The following ACTR5 variants were observed in gnomAD, a reference collection of about 807,000 sequenced individuals.
ACTR5 encodes actin related protein 5.
In ACTR5, 43 loss-of-function variants were observed where a neutral mutation model predicts 61.2. The observed-to-expected ratio is 0.70, with a 90% CI of 0.55 to 0.91. The LOEUF (loss-of-function observed/expected upper bound fraction) is 0.91, where lower values mean the gene tolerates loss of function less well. Ranked by LOEUF, ACTR5 falls within the 40% of genes least tolerant of loss-of-function variation. The probability of loss-of-function intolerance (pLI) is 0.00; values close to 1 mark genes in which losing one functional copy is unlikely to be tolerated. For missense variants in ACTR5, 798 were observed against 782.2 expected, an observed-to-expected ratio of 1.02 and a Z score of -0.24; for synonymous variants, 333 against 310.5, an observed-to-expected ratio of 1.07 and a Z score of -0.76.
chr20:38,766,199 T>C, intron 6 of ACTR5, 39 bp from the exon 7 acceptor site: 1 of 1,579,686 alleles, frequency 6.3e-7, no homozygotes, highest in Admixed American at 1.9e-5. Context: ...TGTTTGTCAT[T>C]TGGCCTAAAA....
rs553223291 is a variant in ACTR5, at chr20:38,766,222, C to A, written c.1294-16C>A. 8.8e-6 allele frequency: 14 copies of A among 1,599,770 alleles called. No homozygotes were observed. The highest frequency in any genetic ancestry group is 6.7e-5 in the African/African-American group (5 of 74,180). ...ATTTGGCCTAAAAATATCTTTTAAA[C>A]CTTGGGTTTTTAAAGCCCGTGTTTA... is the stretch of plus-strand genomic sequence containing the variant. On this transcript the variant is annotated splice_polypyrimidine_tract_variant and intron_variant, in intron 6 of 8. Coordinates refer to ENST00000243903, the MANE Select transcript of ACTR5 (RefSeq NM_024855.4).
intron 6 of ACTR5, 109 bp from the exon 7 acceptor site, chr20:38,766,129 A>T: frequency 7.7e-7 from 1 of 1,298,418 alleles, no homozygotes; most frequent in Non-Finnish European, 1.1e-6. Context: ...TACTGGCATT[A>T]ACAAGGGACA....
intron 5 of ACTR5, among the ~76,000 whole-genome samples, chr20:38,762,767 T>TAGGATG (rs1213110284): frequency 6.6e-6 from 1 of 152,008 alleles, no homozygotes; most frequent in Non-Finnish European, 1.5e-5. Flanking sequence ...GAGTGGAGGT[T>TAGGATG]AGGATGAAGA....
intron 8 of ACTR5, among the ~76,000 whole-genome samples, chr20:38,767,831 T>C (rs1158858528): frequency 6.6e-6 from 1 of 151,928 alleles, no homozygotes; most frequent in Non-Finnish European, 1.5e-5. Context: ...TGTGAAAGAG[T>C]GTACATCAAA....
chr20:38,748,799 GC>G lies in ACTR5; in HGVS notation c.322del (p.Leu108PhefsTer25). On this transcript the variant is annotated frameshift_variant, in exon 1 of 9. Transcript: ENST00000243903. LOFTEE classifies it high-confidence loss of function. ...FDRNVPVNLE[L>X]QELLLDYSFQ... ...ACCGCAACGTGCCGGTCAACCTGGA[GC>G]TTCAGGAGTTGCTGCTGGACTACAG... The G allele has an allele frequency of 6.2e-7, 1 of 1,609,522 alleles. No homozygotes were observed. Among genetic ancestry groups the G allele is most frequent in the East Asian group, 2.2e-5 (1 of 44,576 alleles).
chr20:38,768,539 A>AG (rs1601205096), intron 8 of ACTR5, among the ~76,000 whole-genome samples: 1 of 152,312 alleles, frequency 6.6e-6, no homozygotes, highest in East Asian at 1.9e-4. Flanking sequence ...AAAGCACATT[A>AG]AGTGTTGCCA....
intron 4 of ACTR5, among the ~76,000 whole-genome samples, chr20:38,755,592 C>T (rs1444908096): frequency 6.6e-6 from 1 of 151,086 alleles, no homozygotes; most frequent in East Asian, 1.9e-4. Flanking sequence ...TTCACATCCC[C>T]CGCCCCACCA....
chr20:38,758,888 T>G (rs964903517), intron 5 of ACTR5, among the ~76,000 whole-genome samples: 2 of 152,214 alleles, frequency 1.3e-5, no homozygotes, highest in African/African-American at 4.8e-5. Context: ...GAAATTGCAC[T>G]TAAGCAGTAA....
intron 8 of ACTR5, among the ~76,000 whole-genome samples, chr20:38,769,179 T>C (rs987835213): frequency 6.6e-6 from 1 of 152,208 alleles, no homozygotes; most frequent in African/African-American, 2.4e-5. Flanking sequence ...TCCCTTTGCA[T>C]AGAATACTCT....
At chr20:38,751,614 A>T (rs1285278030) in intron 2 of ACTR5, among the ~76,000 whole-genome samples, 1 of 152,162 alleles carries the variant, frequency 6.6e-6, no homozygotes, top group Non-Finnish European at 1.5e-5. Context: ...ACTTTCTCAC[A>T]TTAGGAAAAT....
At position 38,768,135 on chromosome 20, in the gene ACTR5, G is replaced by C. The variant is rs115729260; in HGVS notation, c.1566+539G>C. Among the ~76,000 whole-genome samples the C allele has an allele frequency of 5.6e-3, 847 of 152,240 alleles. 5 individuals are homozygous for C. Among genetic ancestry groups the C allele is most frequent in the African/African-American group, 0.02 (812 of 41,542 alleles). On this transcript the variant is annotated intron_variant, in intron 8 of 8. Transcript: ENST00000243903. Reference sequence around the variant, plus strand: ...CATGATGTCGTGTACATTCAGGGGGGCGTCTCTGGGCTTTGGTGCTGACTC... The same window carrying C: ...CATGATGTCGTGTACATTCAGGGGGCCGTCTCTGGGCTTTGGTGCTGACTC...
chr20:38,759,063 C>T (rs903683013), intron 5 of ACTR5, among the ~76,000 whole-genome samples: 1 of 152,128 alleles, frequency 6.6e-6, no homozygotes, highest in South Asian at 2.1e-4. Context: ...GTATTTAAAC[C>T]AGAAGATGCT....
In ACTR5 at chr20:38,752,203, C is replaced by T. The variant is rs762344577; in HGVS notation, c.678C>T (p.Leu226=). ...SQAAGYLQRL[L]QLKYPGHLAA... is the part of the protein sequence containing the mutation. ...CAGCTGGTTACCTCCAGCGTCTCCT[C>T]CAGCTGAAGTACCCTGGGCACCTGG... Residue 226 remains leucine (L), a synonymous_variant, in exon 3 of 9, where the codon CTC becomes CTT. Transcript: ENST00000243903. The T allele has an allele frequency of 1.2e-6, 2 of 1,614,146 alleles. No individual in the cohort carries two copies. Among genetic ancestry groups the T allele is most frequent in the Non-Finnish European group, 1.7e-6 (2 of 1,179,990 alleles).
intron 5 of ACTR5, chr20:38,761,642 C>G (rs957383690): frequency 4.6e-5 from 7 of 152,576 alleles, no homozygotes; most frequent in South Asian, 4.1e-4. Flanking sequence ...TCGTGTGTGT[C>G]TCTCCCAAAG....
At position 38,754,568 on chromosome 20, in the gene ACTR5, A is replaced by G. The variant is rs150277581; in HGVS notation, c.776-389A>G. 3.2e-3 allele frequency among the ~76,000 whole-genome samples: 483 copies of G among 152,048 alleles called. 3 individuals are homozygous for G. Among genetic ancestry groups the G allele is most frequent in the African/African-American group, 0.011 (455 of 41,526 alleles). On this transcript the variant is annotated intron_variant, in intron 3 of 8. Coordinates refer to ENST00000243903, the MANE Select transcript of ACTR5 (RefSeq NM_024855.4). ...CCCATCTCTACTAAAAATTCAAAAA[A>G]ATTAGCCGGGCATGGTGGCAGGCGT...
intron 5 of ACTR5, chr20:38,761,585 T>G (rs1421521144): frequency 6.6e-6 from 1 of 151,580 alleles, no homozygotes; most frequent in Non-Finnish European, 1.5e-5. Context: ...CAGGGTTGAT[T>G]CGGCTGATCT....
chr20:38,750,926 C>A (rs1012638275), intron 2 of ACTR5, among the ~76,000 whole-genome samples: 9 of 152,184 alleles, frequency 5.9e-5, no homozygotes, highest in African/African-American at 2.2e-4. Flanking sequence ...CCACCGCGCC[C>A]AGCCAATTTC....
chr20:38,763,700 TC>T (rs1182686152), intron 5 of ACTR5, among the ~76,000 whole-genome samples: 3 of 152,208 alleles, frequency 2.0e-5, no homozygotes, highest in African/African-American at 7.2e-5. Flanking sequence ...AGCCATAGCA[TC>T]CTCACCCATC....
chr20:38,769,068 G>A (rs1264582205), intron 8 of ACTR5, among the ~76,000 whole-genome samples: 1 of 152,194 alleles, frequency 6.6e-6, no homozygotes, highest in East Asian at 1.9e-4. Flanking sequence ...GAACTGTCCA[G>A]GGTTCTCTCA....
Sources: allele counts gnomAD v4.1 joint callset (sites outside exome capture counted in the v4.1 genomes callset), GRCh38; gene constraint gnomAD v4.1.1; transcripts MANE v1.5; gene names NCBI Gene and HGNC (gene_info 2026-07-23, HGNC 2026-07-21).